ERG: variants seen among roughly 807,000 people sequenced by gnomAD.
The protein encoded by ERG is ETS transcription factor ERG.
In ERG, 9 loss-of-function variants were observed where a neutral mutation model predicts 55.3. The observed-to-expected ratio is 0.16, with a 90% CI of 0.10 to 0.28. The LOEUF (loss-of-function observed/expected upper bound fraction) is 0.28. ERG is among the 10% of genes least tolerant of loss of function. The pLI is 1.00. For synonymous variants in ERG, 223 were observed against 237.3 expected (o/e 0.94, Z 0.55); for missense variants, 434 against 631.6 (o/e 0.69, Z 3.35).
intron 2 of ERG, among the ~76,000 whole-genome samples, chr21:38,555,758 T>C (rs2059854767): frequency 6.6e-6 from 1 of 152,352 alleles, no homozygotes; most frequent in East Asian, 1.9e-4. Context: ...AAATGTGACC[T>C]ATCAAGGTCT....
chr21:38,631,394 C>A (rs1230399321), intron 1 of ERG, among the ~76,000 whole-genome samples: 2 of 152,122 alleles, frequency 1.3e-5, no homozygotes, highest in Non-Finnish European at 2.9e-5. Flanking sequence ...ATCAGTAACA[C>A]TAAACGCCCA....
intron 2 of ERG, among the ~76,000 whole-genome samples, chr21:38,567,098 TG>T (rs2059928006): frequency 1.3e-5 from 2 of 152,112 alleles, no homozygotes; most frequent in Non-Finnish European, 2.9e-5. Flanking sequence ...GCAGCATGTC[TG>T]GGGAACACTT....
At chr21:38,488,990 C>T (rs1418995214) in intron 1 of ERG, among the ~76,000 whole-genome samples, 1 of 152,182 alleles carries the variant, frequency 6.6e-6, no homozygotes, top group Non-Finnish European at 1.5e-5. Flanking sequence ...AAGCTTATTC[C>T]CCTTGGAGAG....
In ERG at chr21:38,392,442, A is replaced by T; in HGVS notation, c.748T>A (p.Leu250Ile). The change falls in exon 7 of 10, where the codon TTA (leucine) becomes ATA (isoleucine). Residue 250 changes from leucine to isoleucine, a missense_variant and splice_region_variant. Physicochemically the swap from Leu to Ile is conservative, Grantham distance 5. Transcript: ENST00000288319. ...ATQRITTRPD[L>I]PYEPPRRSAW... is the part of the protein sequence containing the mutation. ...GATCTCCTGGGGGGCTCATATGGTA[A>T]ATCTGTAAAGACAAATAAATTGACT... 6.5e-7 allele frequency: 1 copy of T among 1,529,682 alleles called. No homozygotes were observed. Among genetic ancestry groups the T allele is most frequent in the South Asian group, 1.3e-5 (1 of 79,772 alleles). The allele number at this position is 1,529,682 out of a possible 1,614,324, so 94.8% of individuals were successfully genotyped here. A position where few individuals can be genotyped will look rare whatever the true frequency, so the allele number is the denominator to read the frequency against.
chr21:38,549,657 T>C (rs2059811357), intron 2 of ERG, among the ~76,000 whole-genome samples: 1 of 151,996 alleles, frequency 6.6e-6, no homozygotes, highest in Non-Finnish European at 1.5e-5. Context: ...TAATTTTCTA[T>C]GAAAAAAAGA....
intron 2 of ERG, among the ~76,000 whole-genome samples, chr21:38,427,919 G>T (rs1989912974): frequency 6.6e-6 from 1 of 152,150 alleles, no homozygotes; most frequent in South Asian, 2.1e-4. Context: ...AGGCACAGTG[G>T]CTCACGCATA....
Position 38,593,178 on chromosome 21 carries a change from A to G in ERG, c.-149-8233T>C, listed in dbSNP as rs2060111334. 2.0e-5 allele frequency among the ~76,000 whole-genome samples: 3 copies of G among 152,218 alleles called. No homozygotes were observed. The South Asian group carries it at 6.2e-4, about 32-fold the overall frequency. ...GCAGCAAAACAGCGCCATGTCCCTC[A>G]GTGTGGGAACCAGGGTCTGCCTGGG... On this transcript the variant is annotated intron_variant, in intron 1 of 10. Transcript: ENST00000398910.
At chr21:38,459,603 A>T (rs1405985791) in intron 1 of ERG, among the ~76,000 whole-genome samples, 1 of 152,200 alleles carries the variant, frequency 6.6e-6, no homozygotes, top group Non-Finnish European at 1.5e-5. Flanking sequence ...TCCACAGCCC[A>T]GGGGTGTGGG....
At chr21:38,462,360 T>C (rs1346281457) in intron 1 of ERG, among the ~76,000 whole-genome samples, 1 of 114,736 alleles carries the variant, frequency 8.7e-6, no homozygotes, top group Non-Finnish European at 1.9e-5. Context: ...ATAGATATAA[T>C]GCATATACAC....
chr21:38,444,771 C>T (rs2058874164), intron 2 of ERG, among the ~76,000 whole-genome samples: 1 of 150,464 alleles, frequency 6.6e-6, no homozygotes. Flanking sequence ...AAGAGGACCG[C>T]AGAGATCAGA....
intron 1 of ERG, among the ~76,000 whole-genome samples, chr21:38,607,852 G>C (rs73217981): frequency 6.6e-6 from 1 of 152,010 alleles, no homozygotes; most frequent in Non-Finnish European, 1.5e-5. Context: ...AAGTAGGGGA[G>C]CAGAGTCAGA....
chr21:38,375,973 C>G (rs941054979), downstream of ERG, among the ~76,000 whole-genome samples: 2 of 152,210 alleles, frequency 1.3e-5, no homozygotes, highest in African/African-American at 4.8e-5. Context: ...AACTTCCTAG[C>G]ATCATATGAA....
At chr21:38,486,338 G>T (rs1479980341) in intron 1 of ERG, among the ~76,000 whole-genome samples, 1 of 152,172 alleles carries the variant, frequency 6.6e-6, no homozygotes. Flanking sequence ...TGCTGCACAG[G>T]TTTGTAGCCT....
At chr21:38,435,713 TTACAGCCAAAAACGA>T (rs1254821603) in intron 2 of ERG, among the ~76,000 whole-genome samples, 1 of 152,208 alleles carries the variant, frequency 6.6e-6, no homozygotes, top group Non-Finnish European at 1.5e-5. Context: ...ATATTTCTCT[TTACAGCCAAAAACGA>T]ATGCCAGCAA....
chr21:38,622,771 C>G (rs550134265), intron 1 of ERG, among the ~76,000 whole-genome samples: 118 of 149,940 alleles, frequency 7.9e-4, no homozygotes, highest in Non-Finnish European at 1.4e-3. Context: ...ACACACCACA[C>G]ACACATCACA....
chr21:38,564,583 CTCTCT>C (rs2059911553), intron 2 of ERG, among the ~76,000 whole-genome samples: 1 of 151,646 alleles, frequency 6.6e-6, no homozygotes, highest in Admixed American at 6.5e-5. Context: ...TCTTCTCTCT[CTCTCT>C]TTTTTTTTGT....
At chr21:38,398,437 A>T (rs1988331064) in intron 6 of ERG, among the ~76,000 whole-genome samples, 1 of 152,212 alleles carries the variant, frequency 6.6e-6, no homozygotes, top group Non-Finnish European at 1.5e-5. Flanking sequence ...TAATCACAGT[A>T]GCAGTGGTCA....
intron 2 of ERG, among the ~76,000 whole-genome samples, chr21:38,525,362 T>G (rs999269048): frequency 6.6e-6 from 1 of 152,184 alleles, no homozygotes; most frequent in Admixed American, 6.5e-5. Context: ...TGCTCTTTCC[T>G]GCCTCTAACA....
chr21:38,498,225 G>A lies in ERG; in HGVS notation c.18+138C>T. Reference sequence around the variant, plus strand: ...GGAAAAAGGAAATTTACTAGGCAGTGCAAAGGAAATCTTGTTGTCCTCTAT... The same window carrying A: ...GGAAAAAGGAAATTTACTAGGCAGTACAAAGGAAATCTTGTTGTCCTCTAT... On this transcript the variant is annotated intron_variant, in intron 1 of 9. Transcript: ENST00000288319. This position sits in a 1 kb window ranked among gnomAD's most constrained non-coding sequence, Gnocchi z 4.6. The A allele has an allele frequency of 1.3e-6, 1 of 762,412 alleles. No individual in the cohort carries two copies. The highest frequency in any genetic ancestry group is 2.2e-6 in the Non-Finnish European group (1 of 448,478). 47.2% of individuals were successfully genotyped at this position (762,412 alleles called of 1,614,324 possible). A position where few individuals can be genotyped will look rare whatever the true frequency, so the allele number is the denominator to read the frequency against.
Sources: allele counts gnomAD v4.1 joint callset (sites outside exome capture counted in the v4.1 genomes callset), GRCh38; gene constraint gnomAD v4.1.1; non-coding constraint Gnocchi (gnomAD v3.1); transcripts MANE v1.5; gene names NCBI Gene and HGNC (gene_info 2026-07-23, HGNC 2026-07-21).